SEMA5A: variants seen among roughly 807,000 people sequenced by gnomAD.
SEMA5A encodes semaphorin 5A.
Under a neutral mutation model 135.5 loss-of-function variants are expected in SEMA5A, and 55 were observed. That is an observed-to-expected ratio of 0.41 (90% confidence interval 0.33 to 0.51). The LOEUF (loss-of-function observed/expected upper bound fraction) is 0.51. Among genes scored for constraint, SEMA5A ranks in the 20% least tolerant of loss-of-function variants. SEMA5A has a pLI of 0.37. For missense variants in SEMA5A, 1,290 were observed against 1,419.9 expected (o/e 0.91, Z 1.47); for synonymous variants, 580 against 546.5 (o/e 1.06, Z -0.85).
chr5:9,410,250 A>T (rs779118879), intron 2 of SEMA5A, among the ~76,000 whole-genome samples: 4 of 152,248 alleles, frequency 2.6e-5, no homozygotes, highest in Non-Finnish European at 4.4e-5. Flanking sequence ...AAATATAACA[A>T]TGCACTCCAG....
chr5:9,268,898 T>A (rs1579752996), intron 5 of SEMA5A, among the ~76,000 whole-genome samples: 1 of 152,182 alleles, frequency 6.6e-6, no homozygotes, highest in East Asian at 1.9e-4. Context: ...AATTTATTTT[T>A]AAAGTAAGTA....
chr5:9,525,974 A>G lies in SEMA5A; in HGVS notation c.-175+19610T>C, dbSNP rs558729311. 3.3e-5 allele frequency among the ~76,000 whole-genome samples: 5 copies of G among 152,332 alleles called. No homozygotes were observed. The South Asian group carries it at 6.2e-4, about 19-fold the overall frequency. On this transcript the variant is annotated intron_variant, in intron 1 of 22. Coordinates refer to ENST00000382496, the MANE Select transcript of SEMA5A (RefSeq NM_003966.3). ...TGTATGATAAAGGATAATTACTCCA[A>G]TGATTGCAGTAATTACACTTTAAAG...
intron 2 of SEMA5A, among the ~76,000 whole-genome samples, chr5:9,400,408 T>C (rs1201135767): frequency 6.6e-6 from 1 of 151,652 alleles, no homozygotes; most frequent in Admixed American, 6.6e-5. Flanking sequence ...CAATTCAGAA[T>C]AATTTGATCA....
intron 5 of SEMA5A, among the ~76,000 whole-genome samples, chr5:9,275,421 C>T (rs1579767849): frequency 6.6e-6 from 1 of 152,220 alleles, no homozygotes; most frequent in East Asian, 1.9e-4. Flanking sequence ...AAGCTGGTAC[C>T]ATTCCTTCTA....
At chr5:9,085,909 A>G (rs1738657113) in intron 16 of SEMA5A, among the ~76,000 whole-genome samples, 1 of 152,174 alleles carries the variant, frequency 6.6e-6, no homozygotes, top group African/African-American at 2.4e-5. Context: ...GCTGCCCAAG[A>G]CCATGGAAAC....
At chr5:9,096,201 C>G (rs1191240040) in intron 16 of SEMA5A, among the ~76,000 whole-genome samples, 1 of 152,138 alleles carries the variant, frequency 6.6e-6, no homozygotes, top group South Asian at 2.1e-4. Context: ...AGTACCTGTC[C>G]TAACAGGTGT....
intron 12 of SEMA5A, among the ~76,000 whole-genome samples, chr5:9,154,062 A>AG (rs1553993747): frequency 1.5e-5 from 1 of 68,294 alleles, no homozygotes; most frequent in Non-Finnish European, 3.1e-5. Context: ...AAAAAAAAAA[A>AG]ATATATATAT....
intron 2 of SEMA5A, among the ~76,000 whole-genome samples, chr5:9,419,871 C>G (rs1407875702): frequency 6.6e-6 from 1 of 152,094 alleles, no homozygotes; most frequent in Non-Finnish European, 1.5e-5. Flanking sequence ...AAATTAAGAA[C>G]AACTTTTGTT....
At chr5:9,437,925 A>G (rs1758091071) in intron 1 of SEMA5A, 73 bp from the exon 2 acceptor site, 1 of 152,226 alleles carries the variant, frequency 6.6e-6, no homozygotes, top group Non-Finnish European at 1.5e-5. Context: ...CATGAGTTCT[A>G]TGAAGTTCCA....
chr5:9,484,117 T>C (rs1759985839), intron 1 of SEMA5A, among the ~76,000 whole-genome samples: 1 of 152,196 alleles, frequency 6.6e-6, no homozygotes, highest in Non-Finnish European at 1.5e-5. Context: ...TAGCCACAGA[T>C]TTTTCAGAGG....
At chr5:9,448,817 T>A (rs1758527780) in intron 1 of SEMA5A, among the ~76,000 whole-genome samples, 1 of 152,198 alleles carries the variant, frequency 6.6e-6, no homozygotes, top group South Asian at 2.1e-4. Flanking sequence ...CCGTGACATG[T>A]GATGCTGGCT....
At chr5:9,309,110 T>C (rs1398874592) in intron 5 of SEMA5A, among the ~76,000 whole-genome samples, 3 of 152,162 alleles carry the variant, frequency 2.0e-5, no homozygotes, top group Admixed American at 2.0e-4. Flanking sequence ...TGGCAGAGAA[T>C]TCAGGGATAA....
At chr5:9,424,534 A>G (rs1270030180) in intron 2 of SEMA5A, among the ~76,000 whole-genome samples, 2 of 152,156 alleles carry the variant, frequency 1.3e-5, no homozygotes, top group African/African-American at 2.4e-5. Flanking sequence ...TCTATTCCCA[A>G]TCATTCCTCG....
chr5:9,434,965 A>T (rs945244531), intron 2 of SEMA5A, among the ~76,000 whole-genome samples: 1 of 152,236 alleles, frequency 6.6e-6, no homozygotes, highest in Non-Finnish European at 1.5e-5. Context: ...TTCTTTGCCC[A>T]TCTTTGTAAA....
chr5:9,185,924 C>T (rs567465470), intron 11 of SEMA5A, among the ~76,000 whole-genome samples: 29 of 152,164 alleles, frequency 1.9e-4, no homozygotes, highest in Admixed American at 2.6e-4. Context: ...TGTGGGACTG[C>T]GAGGGACTGT....
Position 9,360,544 on chromosome 5 carries a change from G to A in SEMA5A, c.124+19279C>T, listed in dbSNP as rs116006389. ...TAAAACAACACGATAGCTTACAAAA[G>A]AAATGAAGCTTTAGTACACACTCTT... is the stretch of plus-strand genomic sequence containing the variant. On this transcript the variant is annotated intron_variant, in intron 3 of 22. Coordinates refer to ENST00000382496, the MANE Select transcript of SEMA5A (RefSeq NM_003966.3). 8.6e-3 allele frequency among the ~76,000 whole-genome samples: 1,307 copies of A among 152,238 alleles called. 26 individuals carry two copies. The highest frequency in any genetic ancestry group is 0.03 in the African/African-American group (1,247 of 41,540).
chr5:9,204,948 T>C lies in SEMA5A; in HGVS notation c.647-2708A>G, dbSNP rs1745928787. The stretch of plus-strand genomic sequence containing the variant: ...TATGAGAATCTAATGCCTGATGATC[T>C]GAGGCAGAACAGTTTCATCCCTAAA... On this transcript the variant is annotated intron_variant, in intron 8 of 22. Coordinates refer to ENST00000382496, the MANE Select transcript of SEMA5A (RefSeq NM_003966.3). The surrounding 1 kb of genome is among the most constrained non-coding windows in gnomAD (Gnocchi z 6.4). Among the ~76,000 whole-genome samples, 1 of 152,198 alleles carries C rather than the reference T, an allele frequency of 6.6e-6. No individual in the cohort carries two copies. Among genetic ancestry groups the C allele is most frequent in the Admixed American group, 6.5e-5 (1 of 15,280 alleles).
chr5:9,234,357 G>T (rs1466506438), intron 6 of SEMA5A, among the ~76,000 whole-genome samples: 2 of 152,190 alleles, frequency 1.3e-5, no homozygotes. Context: ...CATGGTCATT[G>T]TTCAGTTACT....
At chr5:9,122,178 T>C (rs1236756136) in intron 14 of SEMA5A, among the ~76,000 whole-genome samples, 1 of 152,128 alleles carries the variant, frequency 6.6e-6, no homozygotes, top group South Asian at 2.1e-4. Context: ...AGCTATTCAA[T>C]AGGTTATCTT....
Sources: gnomAD v4.1 joint callset for allele counts (sites outside exome capture counted in the v4.1 genomes callset) on GRCh38, gnomAD v4.1.1 for gene constraint, Gnocchi (gnomAD v3.1) non-coding constraint, MANE v1.5 for transcripts, NCBI Gene and HGNC (gene_info 2026-07-23, HGNC 2026-07-21) for gene names.